Variants in TENM4 observed in about 807,000 individuals in gnomAD.
TENM4 encodes teneurin-4.
In TENM4, 82 loss-of-function variants were observed where a neutral mutation model predicts 243.3. The observed-to-expected ratio is 0.34, with a 90% CI of 0.28 to 0.40. The LOEUF (loss-of-function observed/expected upper bound fraction) is 0.40. Ranked by LOEUF, TENM4 falls within the 10% of genes least tolerant of loss-of-function variation. The pLI is 1.00. For synonymous variants in TENM4, 1,412 were observed against 1,456.3 expected (o/e 0.97, Z 0.69); for missense variants, 3,138 against 3,673.3 (o/e 0.85, Z 3.77).
chr11:78,846,710 A>ACCTCAAGG (rs1555089357), intron 12 of TENM4, among the ~76,000 whole-genome samples: 3,994 of 125,208 alleles, frequency 0.032, 173 homozygotes, highest in African/African-American at 0.099. Flanking sequence ...CCCATGAGAA[A>ACCTCAAGG]CCTCAAGGCC....
At chr11:78,703,854 G>T (rs1030063470) in intron 27 of TENM4, among the ~76,000 whole-genome samples, 4 of 151,604 alleles carry the variant, frequency 2.6e-5, no homozygotes, top group Admixed American at 1.3e-4. Context: ...ATTTACTTAT[G>T]TATGTATGTA....
chr11:79,126,244 A>G (rs1861873832), intron 4 of TENM4, among the ~76,000 whole-genome samples: 1 of 152,174 alleles, frequency 6.6e-6, no homozygotes, highest in South Asian at 2.1e-4. Flanking sequence ...TGAATTAGTC[A>G]CTTTAGACCT....
chr11:79,187,985 T>C (rs1036468166), intron 3 of TENM4, among the ~76,000 whole-genome samples: 1 of 152,204 alleles, frequency 6.6e-6, no homozygotes, highest in African/African-American at 2.4e-5. Flanking sequence ...ATTCTACTCA[T>C]CTGCAAAGAA....
chr11:78,756,672 G>A (rs1249571280), intron 19 of TENM4, 133 bp downstream of exon 19: 6 of 849,924 alleles, frequency 7.1e-6, no homozygotes, highest in South Asian at 1.8e-5. Context: ...TGCCTCCCCC[G>A]ACATTCCATC....
chr11:78,700,074 A>G (rs1219310249), intron 28 of TENM4, among the ~76,000 whole-genome samples: 3 of 152,236 alleles, frequency 2.0e-5, no homozygotes, highest in Non-Finnish European at 1.5e-5. Context: ...TCGCTGTGAC[A>G]TGTCTGTTCA....
chr11:79,179,980 A>T (rs892482612), intron 3 of TENM4, among the ~76,000 whole-genome samples: 3 of 151,716 alleles, frequency 2.0e-5, no homozygotes, highest in African/African-American at 7.2e-5. Context: ...AGAAAACGGT[A>T]GCTTTGGGAA....
chr11:79,108,495 C>CTG (rs763722234), intron 4 of TENM4, among the ~76,000 whole-genome samples: 13 of 151,318 alleles, frequency 8.6e-5, no homozygotes, highest in African/African-American at 1.9e-4. Context: ...CATATGTATA[C>CTG]TGTGTGTGTG....
chr11:78,860,016 T>C (rs1858777325), intron 10 of TENM4, among the ~76,000 whole-genome samples: 1 of 152,252 alleles, frequency 6.6e-6, no homozygotes, highest in Non-Finnish European at 1.5e-5. Flanking sequence ...TTGGAAAATA[T>C]AGTATGAACT....
At chr11:79,064,668 A>G (rs552334492) in intron 6 of TENM4, 70 bp downstream of exon 6, 4 of 1,530,172 alleles carry the variant, frequency 2.6e-6, no homozygotes, top group African/African-American at 2.8e-5. Flanking sequence ...TGGAGCAGGA[A>G]ATCAATATTA....
At chr11:79,310,243 G>A (rs1210905527) in intron 1 of TENM4, among the ~76,000 whole-genome samples, 2 of 152,184 alleles carry the variant, frequency 1.3e-5, no homozygotes, top group African/African-American at 4.8e-5. Flanking sequence ...AGTGGCATAA[G>A]GAGGTTGCAA....
chr11:79,424,729 T>C (rs1239250911), intron 1 of TENM4, among the ~76,000 whole-genome samples: 1 of 151,960 alleles, frequency 6.6e-6, no homozygotes. Context: ...GGTCAGGATA[T>C]CGAGACCACC....
rs1325956291 is a variant in TENM4 at position 78,672,163 on chromosome 11, G to A, written c.5663C>T (p.Ser1888Phe). ...SRLNGVNVTY[S>F]PGGYIAGIQR... ...GATGCCAGCAATGTAACCCCCAGGG[G>A]AGTATGTCACGTTGACACCATTCAG... Residue 1888 changes from serine to phenylalanine, a missense_variant, in exon 31 of 34, where the codon TCC (serine) becomes TTC (phenylalanine). Transcript: ENST00000278550. 3 of 1,613,782 alleles carry A rather than the reference G, an allele frequency of 1.9e-6. No homozygotes were observed. The highest frequency in any genetic ancestry group is 8.5e-7 in the Non-Finnish European group (1 of 1,179,864).
rs533550742 is a variant in TENM4, at chr11:79,164,496, GTATA to G, written c.-162-15694_-162-15691del. ...TATATATATAGTGTATACATATAGT[GTATA>G]TATATACACTATACATACTATATAT... is the stretch of plus-strand genomic sequence containing the variant. On this transcript the variant is annotated intron_variant, in intron 3 of 33. Transcript: ENST00000278550. Among the ~76,000 whole-genome samples, 3 of 120,496 alleles carry G rather than the reference GTATA, an allele frequency of 2.5e-5. No individual in the cohort carries two copies. The East Asian group carries it at 1.5e-3, about 60-fold the overall frequency. The allele number at this position is 120,496 out of a possible 152,430, so 79.1% of individuals were successfully genotyped here.
intron 1 of TENM4, among the ~76,000 whole-genome samples, chr11:79,376,370 A>T (rs942982078): frequency 6.6e-6 from 1 of 152,216 alleles, no homozygotes; most frequent in African/African-American, 2.4e-5. Context: ...GCATGTAGAA[A>T]ACAGGTTCAG....
intron 16 of TENM4, among the ~76,000 whole-genome samples, chr11:78,784,413 G>T (rs1372686341): frequency 1.3e-5 from 2 of 152,120 alleles, no homozygotes; most frequent in African/African-American, 4.8e-5. Flanking sequence ...CCTTCAGCAC[G>T]AGGGTGGTGA....
rs1555098955 is a variant in TENM4 at position 78,899,567 on chromosome 11, G to GGC, written c.749+3700_749+3701insGC. On this transcript the variant is annotated intron_variant, in intron 7 of 33. Coordinates refer to ENST00000278550, the MANE Select transcript of TENM4 (RefSeq NM_001098816.3). The stretch of plus-strand genomic sequence containing the variant: ...CACTCTGTCTCAAAAAGCGGGGGGG[G>GGC]GGGGAAAAAGAAAAAAGAAAGAAAA... Among the ~76,000 whole-genome samples the GGC allele has an allele frequency of 7.0e-4, 92 of 130,968 alleles. 15 individuals carry two copies. Among genetic ancestry groups the GGC allele is most frequent in the Non-Finnish European group, 1.2e-3 (73 of 60,882 alleles). The allele number at this position is 130,968 out of a possible 152,430, so 85.9% of individuals were successfully genotyped here. A position where few individuals can be genotyped will look rare whatever the true frequency, so the allele number is the denominator to read the frequency against.
rs544196671 is a variant in TENM4, at chr11:79,370,779, T to TAAAAAAAAAAAAA, written c.-321+69717_-321+69729dup. On this transcript the variant is annotated intron_variant, in intron 1 of 33. Transcript: ENST00000278550. ...ACTCCTAAAGGCACAACTCCTATGG[T>TAAAAAAAAAAAAA]AAAAAAAAAAAAAAAAAAAAAAAAA... Among the ~76,000 whole-genome samples, 17 of 57,164 alleles carry TAAAAAAAAAAAAA rather than the reference T, an allele frequency of 3.0e-4. 1 individual carries two copies. The highest frequency in any genetic ancestry group is 4.7e-4 in the African/African-American group (8 of 16,978). 37.5% of individuals were successfully genotyped at this position (57,164 alleles called of 152,430 possible).
At chr11:79,356,499 C>T (rs1490797445) in intron 1 of TENM4, among the ~76,000 whole-genome samples, 1 of 152,198 alleles carries the variant, frequency 6.6e-6, no homozygotes, top group Non-Finnish European at 1.5e-5. Context: ...TGGAATTGTT[C>T]AGGCTTCTAG....
At chr11:78,967,357 G>A (rs1857458641) in intron 6 of TENM4, among the ~76,000 whole-genome samples, 1 of 152,202 alleles carries the variant, frequency 6.6e-6, no homozygotes, top group African/African-American at 2.4e-5. Flanking sequence ...AGAGTACCTT[G>A]ATTATGGCAC....
Sources: gnomAD v4.1 joint callset for allele counts (sites outside exome capture counted in the v4.1 genomes callset) on GRCh38, gnomAD v4.1.1 for gene constraint, MANE v1.5 for transcripts, NCBI Gene and HGNC (gene_info 2026-07-23, HGNC 2026-07-21) for gene names.